GAS2L1: variants seen among roughly 807,000 people sequenced by gnomAD.
GAS2L1 encodes the protein growth arrest specific 2 like 1, also known as GAS2-like protein 1.
Under a neutral mutation model 44.0 loss-of-function variants are expected in GAS2L1, and 26 were observed. The observed-to-expected ratio is 0.59, with a 90% CI of 0.43 to 0.82. The LOEUF is 0.82. Among genes scored for constraint, GAS2L1 ranks in the 40% least tolerant of loss-of-function variants. The probability of loss-of-function intolerance (pLI) is 0.00; values close to 1 mark genes in which losing one functional copy is unlikely to be tolerated. For missense variants in GAS2L1, 1,006 were observed against 983.0 expected (o/e 1.02, Z -0.31); for synonymous variants, 426 against 415.9 (o/e 1.02, Z -0.30).
At chr22:29,310,259 A>T (rs548208813) in intron 1 of GAS2L1, 180 bp from the exon 3 acceptor site, 38 of 328,872 alleles carry the variant, frequency 1.2e-4, no homozygotes, top group East Asian at 6.8e-4. Flanking sequence ...AAAAAAAAAT[A>T]AAAAAAAATA....
chr22:29,311,102 G>A, intron 4 of GAS2L1, 104 bp downstream of exon 5: 1 of 1,168,106 alleles, frequency 8.6e-7, no homozygotes. Context: ...TCACACCCTG[G>A]GAAAAGTTCC....
chr22:29,308,191 T>C, exon 1 of GAS2L1: 1 of 1,608,394 alleles, frequency 6.2e-7, no homozygotes, highest in Non-Finnish European at 8.5e-7. Flanking sequence ...GTGGAGGCCA[T>C]GAAGGAGGAC....
exon 5 of GAS2L1, chr22:29,311,630 C>A: frequency 6.5e-7 from 1 of 1,536,402 alleles, no homozygotes; most frequent in South Asian, 1.2e-5. Flanking sequence ...GCACCCCGGC[C>A]TCTCCGAGAC....
At chr22:29,311,098 C>T (rs1282594228) in intron 4 of GAS2L1, 100 bp downstream of exon 5, 2 of 1,221,398 alleles carry the variant, frequency 1.6e-6, no homozygotes, top group Non-Finnish European at 2.3e-6. Flanking sequence ...TGACTCACAC[C>T]CTGGGAAAAG....
At chr22:29,312,322 G>A in exon 5 of GAS2L1, 1 of 1,606,778 alleles carries the variant, frequency 6.2e-7, no homozygotes, top group South Asian at 1.1e-5. Context: ...CCCCTGGCTT[G>A]CACTGAACCC....
chr22:29,307,790 C>A (rs912255971), exon 1 of GAS2L1: 2 of 242,288 alleles, frequency 8.3e-6, no homozygotes, highest in Non-Finnish European at 1.6e-5. Flanking sequence ...GGCGCGCCTC[C>A]CTGCCTGAGA....
chr22:29,312,413 C>T (rs756978529), exon 5 of GAS2L1: 7 of 1,561,832 alleles, frequency 4.5e-6, no homozygotes, highest in East Asian at 2.3e-5. Flanking sequence ...GGGGCCCCCG[C>T]CGCCCCTCCG....
intron 1 of GAS2L1, 180 bp from the exon 3 acceptor site, chr22:29,310,259 A>AAAT: frequency 3.0e-6 from 1 of 328,884 alleles, no homozygotes; most frequent in Non-Finnish European, 5.4e-6. Context: ...AAAAAAAAAT[A>AAAT]AAAAAAAATA....
At chr22:29,309,410 G>T (rs1413907823) in intron 1 of GAS2L1, among the ~76,000 whole-genome samples, 1 of 152,256 alleles carries the variant, frequency 6.6e-6, no homozygotes, top group Non-Finnish European at 1.5e-5. Flanking sequence ...CTGAGGGCTG[G>T]ACCAAGAGTT....
At chr22:29,311,395 C>T in intron 4 of GAS2L1, 67 bp from the exon 6 acceptor site, 3 of 667,432 alleles carry the variant, frequency 4.5e-6, no homozygotes, top group Non-Finnish European at 7.6e-6. Flanking sequence ...CTGTTCCTCT[C>T]CCTGCCTGTT....
At chr22:29,310,907 C>T (rs755067226) in exon 4 of GAS2L1, 8 of 1,613,680 alleles carry the variant, frequency 5.0e-6, no homozygotes, top group Non-Finnish European at 6.8e-6. Flanking sequence ...CCCTGCTAGC[C>T]CAGTCCCTGG....
rs267606216 is a variant in GAS2L1 at position 29,308,351 on chromosome 22, C to G, written c.246C>G (p.Ala82=). 21 of 1,604,710 alleles carry G rather than the reference C, an allele frequency of 1.3e-5. No homozygotes were observed. In the Admixed American group the frequency reaches 3.5e-4, roughly 27 times the overall value. ...GTGCATTGGCAGCCGCCCGCCCGGCCCGAGGTGTGGCCTTCCAGGCGCACA... is the reference window on the plus strand; with the variant it reads ...GTGCATTGGCAGCCGCCCGCCCGGCGCGAGGTGTGGCCTTCCAGGCGCACA... Residue 82 remains alanine (A), a synonymous_variant, in exon 1 of 5, where the codon GCC becomes GCG. Transcript: ENST00000618518.
chr22:29,310,968 G>A (rs1459805722), exon 4 of GAS2L1: 5 of 1,613,440 alleles, frequency 3.1e-6, no homozygotes, highest in East Asian at 2.2e-5. Flanking sequence ...AGCTTACGAA[G>A]CACAAAGGAG....
At chr22:29,308,290 T>C (rs2061368738) in exon 1 of GAS2L1, 1 of 1,607,856 alleles carries the variant, frequency 6.2e-7, no homozygotes, top group African/African-American at 1.3e-5. Flanking sequence ...GGCACGACCC[T>C]GTGCCAACAT....
exon 5 of GAS2L1, chr22:29,311,878 G>C (rs776531826): frequency 1.9e-6 from 3 of 1,598,092 alleles, no homozygotes; most frequent in African/African-American, 2.7e-5. Flanking sequence ...CAGACTCCCC[G>C]TGCCCGCAGC....
At chr22:29,308,140 C>G in exon 1 of GAS2L1, 1 of 1,567,018 alleles carries the variant, frequency 6.4e-7, no homozygotes, top group Non-Finnish European at 8.7e-7. Flanking sequence ...GCGGGCTCGG[C>G]GGCCAAGAGC....
At chr22:29,308,769 C>G (rs772715078) in intron 1 of GAS2L1, 31 bp downstream of exon 2, 8 of 1,463,820 alleles carry the variant, frequency 5.5e-6, no homozygotes, top group African/African-American at 1.4e-5. Flanking sequence ...TGCCAGGGAC[C>G]CGACAGCACA....
At chr22:29,310,652 C>T (rs941855126) in exon 3 of GAS2L1, 3 of 1,606,942 alleles carry the variant, frequency 1.9e-6, no homozygotes, top group Admixed American at 1.7e-5. Flanking sequence ...TGAGGAGCCA[C>T]GTGATGGTGC....
At chr22:29,311,675 G>C (rs2061408240) in exon 5 of GAS2L1, 5 of 1,521,520 alleles carry the variant, frequency 3.3e-6, no homozygotes, top group Non-Finnish European at 4.4e-6. Context: ...CCCGAGACCG[G>C]CTGGATCGCG....
Sources: allele counts gnomAD v4.1 joint callset (sites outside exome capture counted in the v4.1 genomes callset), GRCh38; gene constraint gnomAD v4.1.1; transcripts MANE v1.5; gene names NCBI Gene and HGNC (gene_info 2026-07-23, HGNC 2026-07-21).